The following FGF4 variants were observed in gnomAD, a reference collection of about 807,000 sequenced individuals.
The protein encoded by FGF4 is heparin secretory transforming protein 1.
A neutral mutation model predicts 15.7 loss-of-function variants in FGF4; 9 were observed. The observed-to-expected ratio is 0.57, with a 90% CI of 0.35 to 1.00. FGF4 has a LOEUF of 1.00. Ranked by LOEUF, FGF4 falls within the 50% of genes least tolerant of loss-of-function variation. FGF4 has a pLI of 0.02. For missense variants in FGF4, 286 were observed against 297.3 expected (o/e 0.96, Z 0.28); for synonymous variants, 164 against 144.8 (o/e 1.13, Z -0.95).
At chr11:69,773,957 C>A (rs897569309) in intron 2 of FGF4, 67 bp downstream of exon 2, 76 of 1,341,392 alleles carry the variant, frequency 5.7e-5, no homozygotes, top group South Asian at 1.0e-4. Context: ...GCTGGAGAAG[C>A]CACGAGCCTG....
chr11:69,774,259 G>A, intron 1 of FGF4, 132 bp from the exon 2 acceptor site: 1 of 700,482 alleles, frequency 1.4e-6, no homozygotes. Context: ...CGGCGCAGCC[G>A]CCCCCAAGGG....
chr11:69,773,182 A>G lies in FGF4; in HGVS notation c.*127T>C, dbSNP rs889202064. On this transcript the variant is annotated 3_prime_UTR_variant, in exon 3 of 3. Coordinates refer to ENST00000168712, the MANE Select transcript of FGF4 (RefSeq NM_002007.4). ...GGTGGCAATATATACACATTTAAAT[A>G]ATTAATTTAAATATCTTACACCTAC... 1.9e-5 allele frequency: 13 copies of G among 669,530 alleles called. No individual in the cohort carries two copies. Among genetic ancestry groups the G allele is most frequent in the African/African-American group, 1.6e-4 (9 of 55,004 alleles). The allele number at this position is 669,530 out of a possible 1,614,324, so 41.5% of individuals were successfully genotyped here. A position where few individuals can be genotyped will look rare whatever the true frequency, so the allele number is the denominator to read the frequency against.
At position 69,775,032 on chromosome 11, in the gene FGF4, G is replaced by A. The variant is rs759707481; in HGVS notation, c.53C>T (p.Ala18Val). 1.4e-6 allele frequency: 2 copies of A among 1,429,902 alleles called. No homozygotes were observed. Among genetic ancestry groups the A allele is most frequent in the South Asian group, 1.4e-5 (1 of 70,568 alleles). 88.6% of individuals were successfully genotyped at this position (1,429,902 alleles called of 1,614,324 possible). ...AVALLPAVLL[A>V]LLAPWAGRGG... ...TCGGCCCGCCCAGGGCGCCAGCAAG[G>A]CCAGCAGGACCGCCGGGAGCAGCGC... The change falls in exon 1 of 3, where the codon GCC becomes GTC. Residue 18 changes from alanine (A) to valine (V), a missense_variant. Physicochemically the swap from Ala to Val is moderately conservative, Grantham distance 64. Coordinates refer to ENST00000168712, the MANE Select transcript of FGF4 (RefSeq NM_002007.4).
At position 69,775,001 on chromosome 11, in the gene FGF4, G is replaced by GC; in HGVS notation, c.83dup (p.Ala29ArgfsTer126). 1.4e-6 allele frequency: 2 copies of GC among 1,447,018 alleles called. No individual in the cohort carries two copies. The highest frequency in any genetic ancestry group is 1.8e-6 in the Non-Finnish European group (2 of 1,106,416). The allele number at this position is 1,447,018 out of a possible 1,614,324, so 89.6% of individuals were successfully genotyped here. ...CGTTGGGTGCAGTGGGTGCGGCGGC[G>GC]CCCCCTCGGCCCGCCCAGGGCGCCA... On this transcript the variant is annotated frameshift_variant, in exon 1 of 3. Coordinates refer to ENST00000168712, the MANE Select transcript of FGF4 (RefSeq NM_002007.4). LOFTEE classifies it high-confidence loss of function.
rs1403269272 is a variant in FGF4 at position 69,773,229 on chromosome 11, C to G, written c.*80G>C. 1 of 1,196,818 alleles carries G rather than the reference C, an allele frequency of 8.4e-7. No homozygotes were observed. Among genetic ancestry groups the G allele is most frequent in the Non-Finnish European group, 1.2e-6 (1 of 825,490 alleles). The allele number at this position is 1,196,818 out of a possible 1,614,324, so 74.1% of individuals were successfully genotyped here. On this transcript the variant is annotated 3_prime_UTR_variant, in exon 3 of 3. Coordinates refer to ENST00000168712, the MANE Select transcript of FGF4 (RefSeq NM_002007.4). The stretch of plus-strand genomic sequence containing the variant: ...CTACTCTTGCATTAAACTCTTCATC[C>G]GAAGAAAGTGCACCAAGGTGACCCT...
Position 69,773,447 on chromosome 11 carries a change from G to A in FGF4, c.483C>T (p.Leu161=), listed in dbSNP as rs763643003. 1.9e-6 allele frequency: 3 copies of A among 1,614,164 alleles called. No individual in the cohort carries two copies. The highest frequency in any genetic ancestry group is 2.2e-5 in the South Asian group (2 of 91,082). The stretch of plus-strand genomic sequence containing the variant: ...CGTAGGCGTTGTAGTTGTTGGGAAG[G>A]AGAATCTCCTTGAACGTGCACTCAT... ...FTDECTFKEI[L]LPNNYNAYES... is the part of the protein sequence containing the mutation. The change falls in exon 3 of 3, where the codon CTC becomes CTT. Residue 161 remains leucine, a synonymous_variant. Transcript: ENST00000168712.
rs1433832998 is a variant in FGF4 at position 69,771,527 on chromosome 11, A to G, written c.*1782T>C. 1 of 152,038 alleles carries G rather than the reference A, an allele frequency of 6.6e-6. No individual in the cohort carries two copies. The highest frequency in any genetic ancestry group is 1.9e-4 in the East Asian group (1 of 5,188). The allele number at this position is 152,038 out of a possible 1,614,324, so 9.4% of individuals were successfully genotyped here. On this transcript the variant is annotated 3_prime_UTR_variant, in exon 3 of 3. Transcript: ENST00000168712. ...CCTACAAACACCATCTTTCCTGAACACTCCTGGAGCCTAGGGTGTGGTTTA... is the reference window on the plus strand; with the variant it reads ...CCTACAAACACCATCTTTCCTGAACGCTCCTGGAGCCTAGGGTGTGGTTTA...
rs1855607754 is a variant in FGF4 at position 69,774,025 on chromosome 11, G to A, written c.443C>T (p.Ser148Leu). The A allele has an allele frequency of 8.1e-6, 13 of 1,611,616 alleles. No individual in the cohort carries two copies. Among genetic ancestry groups the A allele is most frequent in the Non-Finnish European group, 9.3e-6 (11 of 1,179,078 alleles). Residue 148 changes from serine to leucine, a missense_variant and splice_region_variant, in exon 2 of 3, where the codon TCG becomes TTG. Coordinates refer to ENST00000168712, the MANE Select transcript of FGF4 (RefSeq NM_002007.4). ...AMSSKGKLYG[S>L]PFFTDECTFK... ...TAGCCAGACCCCTGCGGTACTCACC[G>A]AGCCATAGAGCTTGCCCTTGCTGCT...
chr11:69,775,150 C>T lies in FGF4; in HGVS notation c.-66G>A. Reference sequence around the variant, plus strand: ...CCCGGGAAGCTGGGGGGCAGAGCTGCGCCTGTGGCGTCCCGCGGGAGCGCA... The same window carrying T: ...CCCGGGAAGCTGGGGGGCAGAGCTGTGCCTGTGGCGTCCCGCGGGAGCGCA... On this transcript the variant is annotated 5_prime_UTR_variant, in exon 1 of 3. Coordinates refer to ENST00000168712, the MANE Select transcript of FGF4 (RefSeq NM_002007.4). 3.8e-6 allele frequency: 4 copies of T among 1,060,772 alleles called. No homozygotes were observed. Among genetic ancestry groups the T allele is most frequent in the Non-Finnish European group, 4.8e-6 (4 of 826,244 alleles). The allele number at this position is 1,060,772 out of a possible 1,614,324, so 65.7% of individuals were successfully genotyped here.
At position 69,772,357 on chromosome 11, in the gene FGF4, C is replaced by G. The variant is rs1239179596; in HGVS notation, c.*952G>C. 3 of 152,226 alleles carry G rather than the reference C, an allele frequency of 2.0e-5. No homozygotes were observed. In the South Asian group the frequency reaches 6.2e-4, roughly 31 times the overall value. The allele number at this position is 152,226 out of a possible 1,614,324, so 9.4% of individuals were successfully genotyped here. On this transcript the variant is annotated 3_prime_UTR_variant, in exon 3 of 3. Transcript: ENST00000168712. ...TTGTACAATTACAAGGACATTTCACCTAAAAATCGTAGCTAGTTCTAGCCC... is the reference window on the plus strand; with the variant it reads ...TTGTACAATTACAAGGACATTTCACGTAAAAATCGTAGCTAGTTCTAGCCC...
Position 69,773,110 on chromosome 11 carries a change from T to C in FGF4, c.*199A>G. 4.2e-6 allele frequency: 2 copies of C among 478,616 alleles called. No homozygotes were observed. Among genetic ancestry groups the C allele is most frequent in the East Asian group, 3.2e-5 (1 of 31,606 alleles). The allele number at this position is 478,616 out of a possible 1,614,324, so 29.6% of individuals were successfully genotyped here. ...GTTGGTTTTTTGTTTTGTCTTTTTT[T>C]CCCCCCAGAAAATTAAAAAACACAC... On this transcript the variant is annotated 3_prime_UTR_variant, in exon 3 of 3. Coordinates refer to ENST00000168712, the MANE Select transcript of FGF4 (RefSeq NM_002007.4).
In FGF4 at chr11:69,775,058, T is replaced by C. The variant is rs1590951580; in HGVS notation, c.27A>G (p.Val9=). 7.4e-7 allele frequency: 1 copy of C among 1,356,062 alleles called. No homozygotes were observed. The highest frequency in any genetic ancestry group is 1.8e-5 in the South Asian group (1 of 54,668). 84.0% of individuals were successfully genotyped at this position (1,356,062 alleles called of 1,614,324 possible). MSGPGTAA[V]ALLPAVLLAL... ...CCAGCAGGACCGCCGGGAGCAGCGC[T>C]ACCGCGGCCGTCCCGGGCCCCGACA... Residue 9 remains valine (V), a synonymous_variant, in exon 1 of 3, where the codon GTA becomes GTG. Transcript: ENST00000168712.
intron 1 of FGF4, 150 bp downstream of exon 1, chr11:69,774,595 G>A (rs1855615809): frequency 1.8e-6 from 1 of 548,718 alleles, no homozygotes; most frequent in African/African-American, 2.0e-5. Flanking sequence ...CCCCAGCCCC[G>A]CGTCAGAAGG....
chr11:69,773,533 G>C (rs775122084), intron 2 of FGF4, 48 bp from the exon 3 acceptor site: 1 of 1,597,682 alleles, frequency 6.3e-7, no homozygotes, highest in Admixed American at 1.7e-5. Flanking sequence ...TCTTGGGCAA[G>C]GTACCCAGCC....
Position 69,771,102 on chromosome 11 carries a change from T to C in FGF4, c.*2207A>G, listed in dbSNP as rs184508134. 1 of 152,338 alleles carries C rather than the reference T, an allele frequency of 6.6e-6. No homozygotes were observed. Among genetic ancestry groups the C allele is most frequent in the East Asian group, 1.9e-4 (1 of 5,178 alleles). 9.4% of individuals were successfully genotyped at this position (152,338 alleles called of 1,614,324 possible). A position where few individuals can be genotyped will look rare whatever the true frequency, so the allele number is the denominator to read the frequency against. On this transcript the variant is annotated 3_prime_UTR_variant, in exon 3 of 3. Transcript: ENST00000168712. ...TCCAGTGGTGTCTTTTTATACACGA[T>C]AAACGCTTATCATTGTCGGTCAGCA...
chr11:69,773,144 C>T lies in FGF4; in HGVS notation c.*165G>A. ...AAAATTAAAAAACACACCCGCAGAA[C>T]TATAAATAATTTGGTGGCAATATAT... On this transcript the variant is annotated 3_prime_UTR_variant, in exon 3 of 3. Transcript: ENST00000168712. 1 of 557,378 alleles carries T rather than the reference C, an allele frequency of 1.8e-6. No individual in the cohort carries two copies. The highest frequency in any genetic ancestry group is 2.9e-5 in the East Asian group (1 of 34,088). The allele number at this position is 557,378 out of a possible 1,614,324, so 34.5% of individuals were successfully genotyped here. A position where few individuals can be genotyped will look rare whatever the true frequency, so the allele number is the denominator to read the frequency against.
chr11:69,774,653 C>A, intron 1 of FGF4, 92 bp downstream of exon 1: 3 of 1,053,888 alleles, frequency 2.8e-6, no homozygotes, highest in Non-Finnish European at 3.8e-6. Flanking sequence ...CGAGCAGGTG[C>A]CCGCCGAGGG....
At chr11:69,773,951 G>C in intron 2 of FGF4, 73 bp downstream of exon 2, 1 of 1,276,890 alleles carries the variant, frequency 7.8e-7, no homozygotes, top group South Asian at 1.3e-5. Context: ...GGTGGGGCTG[G>C]AGAAGCCACG....
chr11:69,774,002 G>C, intron 2 of FGF4, 22 bp downstream of exon 2: 2 of 1,592,976 alleles, frequency 1.3e-6, no homozygotes, highest in Non-Finnish European at 1.7e-6. Context: ...TAGGTGCCTA[G>C]CCAGACCCCT....
Sources: gnomAD v4.1 joint callset for allele counts on GRCh38, gnomAD v4.1.1 for gene constraint, MANE v1.5 for transcripts, NCBI Gene and HGNC (gene_info 2026-07-23, HGNC 2026-07-21) for gene names.